SRPK1: variants seen among roughly 807,000 people sequenced by gnomAD.
SRPK1 encodes the protein SFRS protein kinase 1.
Under a neutral mutation model 89.5 loss-of-function variants are expected in SRPK1, and 52 were observed. The observed-to-expected ratio is 0.58, with a 90% CI of 0.46 to 0.73. The LOEUF (loss-of-function observed/expected upper bound fraction) is 0.73, where lower values mean the gene tolerates loss of function less well. Ranked by LOEUF, SRPK1 falls within the 30% of genes least tolerant of loss-of-function variation. SRPK1 has a pLI of 0.00. For missense variants in SRPK1, 603 were observed against 780.6 expected (o/e 0.77, Z 2.71); for synonymous variants, 255 against 270.2 (o/e 0.94, Z 0.55).
intron 2 of SRPK1, among the ~76,000 whole-genome samples, chr6:35,917,021 C>G (rs1581604191): frequency 6.6e-6 from 1 of 152,256 alleles, no homozygotes; most frequent in Non-Finnish European, 1.5e-5. Context: ...GAATGCGCCA[C>G]TGCACTCCAG....
intron 2 of SRPK1, chr6:35,905,060 A>G (rs1770823026): frequency 5.4e-6 from 2 of 368,910 alleles, no homozygotes; most frequent in African/African-American, 2.2e-5. Context: ...GGCAGAGGGA[A>G]TGCTTGAGCC....
At chr6:35,874,104 G>A in intron 7 of SRPK1, 129 bp downstream of exon 7, 1 of 686,906 alleles carries the variant, frequency 1.5e-6, no homozygotes, top group East Asian at 2.9e-5. Flanking sequence ...TGGGATTACA[G>A]GAATGAGCCA....
intron 13 of SRPK1, among the ~76,000 whole-genome samples, chr6:35,848,217 T>C (rs1769466187): frequency 6.6e-6 from 1 of 152,182 alleles, no homozygotes; most frequent in South Asian, 2.1e-4. Flanking sequence ...AAAATTCACA[T>C]GGAATCACAA....
At chr6:35,866,323 T>C (rs1003706089) in intron 12 of SRPK1, among the ~76,000 whole-genome samples, 3 of 152,176 alleles carry the variant, frequency 2.0e-5, no homozygotes, top group Admixed American at 1.3e-4. Context: ...CGGTGGCTCA[T>C]GCCTCTAATC....
chr6:35,908,143 TA>T (rs1255816631), intron 2 of SRPK1, among the ~76,000 whole-genome samples: 12 of 152,314 alleles, frequency 7.9e-5, no homozygotes, highest in Admixed American at 3.3e-4. Context: ...TGAAATGGAC[TA>T]ATACAGTAAA....
At chr6:35,871,084 T>C (rs947968286) in intron 8 of SRPK1, 125 bp from the exon 9 acceptor site, 1 of 555,728 alleles carries the variant, frequency 1.8e-6, no homozygotes, top group Non-Finnish European at 2.9e-6. Flanking sequence ...CAGAGAAAAC[T>C]ATTGTTTTTA....
At chr6:35,874,089 A>G in intron 7 of SRPK1, 144 bp downstream of exon 7, 2 of 607,716 alleles carry the variant, frequency 3.3e-6, no homozygotes, top group South Asian at 4.0e-5. Flanking sequence ...GGCCTCCCAA[A>G]GTGCTGGGAT....
intron 13 of SRPK1, among the ~76,000 whole-genome samples, chr6:35,849,711 T>A (rs974445241): frequency 6.6e-6 from 1 of 152,200 alleles, no homozygotes; most frequent in Non-Finnish European, 1.5e-5. Context: ...AAATGCTCAT[T>A]TGGAGCATTT....
At chr6:35,918,688 T>A (rs894564901) in intron 2 of SRPK1, among the ~76,000 whole-genome samples, 1 of 152,220 alleles carries the variant, frequency 6.6e-6, no homozygotes, top group Admixed American at 6.5e-5. Flanking sequence ...ACTGCTAGAT[T>A]ATCTATAATC....
At chr6:35,836,761 A>G (rs919100128) in intron 15 of SRPK1, among the ~76,000 whole-genome samples, 3 of 146,422 alleles carry the variant, frequency 2.0e-5, no homozygotes, top group African/African-American at 7.7e-5. Context: ...TCTCAATAAT[A>G]ATAATAATAA....
intron 2 of SRPK1, among the ~76,000 whole-genome samples, chr6:35,893,516 A>C (rs1770564860): frequency 6.6e-6 from 1 of 151,990 alleles, no homozygotes; most frequent in African/African-American, 2.4e-5. Context: ...TGATTAACTG[A>C]AGGCTTGTAT....
intron 6 of SRPK1, among the ~76,000 whole-genome samples, chr6:35,884,613 G>A (rs1366882436): frequency 6.6e-6 from 1 of 152,106 alleles, no homozygotes; most frequent in African/African-American, 2.4e-5. Context: ...GATGAAGAAA[G>A]ACAGGAAAAA....
At position 35,915,741 on chromosome 6, in the gene SRPK1, G is replaced by A. The variant is rs557513082; in HGVS notation, c.74+4727C>T. Among the ~76,000 whole-genome samples the A allele has an allele frequency of 3.9e-3, 589 of 152,142 alleles. 3 individuals carry two copies. The highest frequency in any genetic ancestry group is 2.5e-3 in the Non-Finnish European group (168 of 68,012). On this transcript the variant is annotated intron_variant, in intron 2 of 15. Transcript: ENST00000373825. ...TAAGCCTAGCACTTTGGGAGGCCGAGGTGGGCGGATCATGAGGTCAGGAGA... is the reference window on the plus strand; with the variant it reads ...TAAGCCTAGCACTTTGGGAGGCCGAAGTGGGCGGATCATGAGGTCAGGAGA...
intron 13 of SRPK1, among the ~76,000 whole-genome samples, chr6:35,851,667 T>C (rs1366783002): frequency 1.3e-5 from 2 of 152,154 alleles, no homozygotes; most frequent in Non-Finnish European, 2.9e-5. Flanking sequence ...TTTGAAAATG[T>C]TACATTTGAG....
chr6:35,848,039 A>G (rs369828173), intron 13 of SRPK1, among the ~76,000 whole-genome samples: 128 of 152,078 alleles, frequency 8.4e-4, no homozygotes, highest in African/African-American at 3.0e-3. Flanking sequence ...GGTCTCACAC[A>G]ATCCATCTGC....
chr6:35,895,178 T>C lies in SRPK1; in HGVS notation c.75-4165A>G, dbSNP rs117580361. Reference sequence around the variant, plus strand: ...AACAAAATCTAAACAAAAAAAGTTATGTAATTATAGCACAAGACACAGTCA... The same window carrying C: ...AACAAAATCTAAACAAAAAAAGTTACGTAATTATAGCACAAGACACAGTCA... On this transcript the variant is annotated intron_variant, in intron 2 of 15. Coordinates refer to ENST00000373825, the MANE Select transcript of SRPK1 (RefSeq NM_003137.5). Among the ~76,000 whole-genome samples, 8 of 152,238 alleles carry C rather than the reference T, an allele frequency of 5.3e-5. No individual in the cohort carries two copies. The East Asian group carries it at 1.4e-3, about 26-fold the overall frequency.
At chr6:35,876,051 G>A (rs1310713402) in intron 6 of SRPK1, among the ~76,000 whole-genome samples, 4 of 132,864 alleles carry the variant, frequency 3.0e-5, no homozygotes, top group Non-Finnish European at 1.6e-5. Flanking sequence ...TCCAAACTAA[G>A]GTGGCATAAA....
At chr6:35,837,624 T>C (rs1451791862) in intron 15 of SRPK1, among the ~76,000 whole-genome samples, 1 of 151,862 alleles carries the variant, frequency 6.6e-6, no homozygotes, top group South Asian at 2.1e-4. Flanking sequence ...GTGGCAATCA[T>C]GGCTCACTGC....
rs536886328 is a variant in SRPK1 at position 35,841,326 on chromosome 6, C to T, written c.1690+1209G>A. ...TCATTAGGAATATTAGCAGGTCCTA[C>T]TAACATTACCTATTAATATCCCAGA... On this transcript the variant is annotated intron_variant, in intron 14 of 15. Transcript: ENST00000373825. Among the ~76,000 whole-genome samples, 4 of 152,288 alleles carry T rather than the reference C, an allele frequency of 2.6e-5. No homozygotes were observed. In the South Asian group the frequency reaches 8.3e-4, roughly 32 times the overall value.
Sources: gnomAD v4.1 joint callset for allele counts (sites outside exome capture counted in the v4.1 genomes callset) on GRCh38, gnomAD v4.1.1 for gene constraint, MANE v1.5 for transcripts, NCBI Gene and HGNC (gene_info 2026-07-23, HGNC 2026-07-21) for gene names.